Variants in ERBB4 observed in about 807,000 individuals in gnomAD.
ERBB4 encodes receptor tyrosine-protein kinase erbB-4.
ERBB4 carries 42 observed loss-of-function variants against 158.0 expected under a neutral mutation model. The observed-to-expected ratio is 0.27, with a 90% CI of 0.21 to 0.34. The LOEUF (loss-of-function observed/expected upper bound fraction) is 0.34, where lower values mean the gene tolerates loss of function less well. Among genes scored for constraint, ERBB4 ranks in the 10% least tolerant of loss-of-function variants. The pLI, the probability that ERBB4 is intolerant of heterozygous loss-of-function variation, is 1.00. For synonymous variants in ERBB4, 583 were observed against 558.7 expected, an observed-to-expected ratio of 1.04 and a Z score of -0.61; for missense variants, 1,333 against 1,624.1, an observed-to-expected ratio of 0.82 and a Z score of 3.08.
At chr2:212,115,491 T>C (rs563085020) in intron 2 of ERBB4, among the ~76,000 whole-genome samples, 2 of 152,344 alleles carry the variant, frequency 1.3e-5, no homozygotes, top group Admixed American at 6.5e-5. Flanking sequence ...TCATTGCCAA[T>C]ATACTTCTTT....
intron 1 of ERBB4, among the ~76,000 whole-genome samples, chr2:212,349,108 G>A (rs962608646): frequency 9.2e-5 from 14 of 152,198 alleles, no homozygotes; most frequent in Middle Eastern, 3.4e-3. Flanking sequence ...GTATCATGAG[G>A]TGATATGTCA....
chr2:211,624,183 C>T lies in ERBB4; in HGVS notation c.2080-139G>A. The T allele has an allele frequency of 5.4e-6, 5 of 928,676 alleles. No homozygotes were observed. In the South Asian group the frequency reaches 7.0e-5, roughly 13 times the overall value. The allele number at this position is 928,676 out of a possible 1,614,324, so 57.5% of individuals were successfully genotyped here. ...ACTTGGTTTGCCTTGACAACCAATACCTTCGTAATATGCACCACTCACCAT... is the reference window on the plus strand; with the variant it reads ...ACTTGGTTTGCCTTGACAACCAATATCTTCGTAATATGCACCACTCACCAT... On this transcript the variant is annotated intron_variant, in intron 17 of 27. Transcript: ENST00000342788.
intron 2 of ERBB4, among the ~76,000 whole-genome samples, chr2:212,060,954 TATG>T (rs1361080341): frequency 1.5e-5 from 2 of 136,554 alleles, no homozygotes; most frequent in Non-Finnish European, 3.1e-5. Flanking sequence ...AAACTTAAAG[TATG>T]ATAATAAATA....
chr2:211,384,100 G>A lies in ERBB4; in HGVS notation c.3482-40C>T, dbSNP rs779432279. ...AAATATCAGCTAACCTCTAGTTTCT[G>A]GAAAATATTAATCAGACCAAGGTTA... is the stretch of plus-strand genomic sequence containing the variant. On this transcript the variant is annotated intron_variant, in intron 27 of 27. Coordinates refer to ENST00000342788, the MANE Select transcript of ERBB4 (RefSeq NM_005235.3). 2.7e-6 allele frequency: 4 copies of A among 1,462,446 alleles called. No homozygotes were observed. The South Asian group carries it at 4.6e-5, about 17-fold the overall frequency. 90.6% of individuals were successfully genotyped at this position (1,462,446 alleles called of 1,614,324 possible).
At chr2:211,623,836 T>G in intron 18 of ERBB4, 86 bp downstream of exon 18, 1 of 1,303,666 alleles carries the variant, frequency 7.7e-7, no homozygotes, top group South Asian at 1.3e-5. Flanking sequence ...AAAATTAGGT[T>G]GTCTAAAGTA....
intron 1 of ERBB4, among the ~76,000 whole-genome samples, chr2:212,423,052 G>GGATAAACGAT (rs1390724800): frequency 6.6e-6 from 1 of 151,958 alleles, no homozygotes; most frequent in Non-Finnish European, 1.5e-5. Flanking sequence ...ATAATAACTT[G>GGATAAACGAT]AGTAAGAGGA....
chr2:211,762,681 G>A (rs144678093), intron 4 of ERBB4, among the ~76,000 whole-genome samples: 1 of 152,246 alleles, frequency 6.6e-6, no homozygotes, highest in East Asian at 1.9e-4. Context: ...TTTGTGAGTG[G>A]TGTCACATTT....
At chr2:212,325,092 A>G (rs748648996) in intron 1 of ERBB4, among the ~76,000 whole-genome samples, 18 of 150,876 alleles carry the variant, frequency 1.2e-4, no homozygotes, top group South Asian at 4.2e-4. Context: ...CAAAATTACT[A>G]AAAGTAATGA....
chr2:212,288,438 G>A (rs1324826890), intron 1 of ERBB4, among the ~76,000 whole-genome samples: 3 of 152,044 alleles, frequency 2.0e-5, no homozygotes, highest in South Asian at 4.1e-4. Context: ...AGTAAAAAGG[G>A]CTCCCTGGCA....
intron 25 of ERBB4, among the ~76,000 whole-genome samples, chr2:211,416,235 T>TCATTGC (rs2063387819): frequency 6.6e-6 from 1 of 152,132 alleles, no homozygotes; most frequent in East Asian, 1.9e-4. Flanking sequence ...CTATTTTTAT[T>TCATTGC]CATTGCTATT....
intron 2 of ERBB4, among the ~76,000 whole-genome samples, chr2:211,970,497 T>C (rs976745877): frequency 1.3e-5 from 2 of 152,296 alleles, no homozygotes; most frequent in South Asian, 2.1e-4. Flanking sequence ...CCCACTATTA[T>C]TGTGTGGGAA....
intron 1 of ERBB4, among the ~76,000 whole-genome samples, chr2:212,269,135 A>G (rs762973747): frequency 6.6e-6 from 1 of 151,870 alleles, no homozygotes; most frequent in Non-Finnish European, 1.5e-5. Context: ...CCAGAAAACA[A>G]TGGAGACCTG....
At chr2:211,573,702 A>G (rs1018412191) in intron 19 of ERBB4, among the ~76,000 whole-genome samples, 16 of 41,606 alleles carry the variant, frequency 3.8e-4, no homozygotes, top group African/African-American at 2.2e-3. Context: ...AATAATAGAA[A>G]ATATTAAAAA....
chr2:211,650,182 T>C (rs1490793542), intron 16 of ERBB4, among the ~76,000 whole-genome samples: 1 of 152,056 alleles, frequency 6.6e-6, no homozygotes, highest in Non-Finnish European at 1.5e-5. Context: ...AATTACATGG[T>C]GAAATAAATT....
rs758998531 is a variant in ERBB4, at chr2:211,939,604, T to C, written c.421+7826A>G. Among the ~76,000 whole-genome samples, 37 of 152,072 alleles carry C rather than the reference T, an allele frequency of 2.4e-4. 1 individual carries two copies. The highest frequency in any genetic ancestry group is 1.5e-4 in the Non-Finnish European group (10 of 68,038). ...GATGTATTTACATATTCTAAAAAAT[T>C]ACTATAGACATCTGTCAAAAATAGC... is the stretch of plus-strand genomic sequence containing the variant. On this transcript the variant is annotated intron_variant, in intron 3 of 27. Coordinates refer to ENST00000342788, the MANE Select transcript of ERBB4 (RefSeq NM_005235.3).
intron 1 of ERBB4, among the ~76,000 whole-genome samples, chr2:212,271,722 C>A (rs887242057): frequency 2.0e-5 from 3 of 151,642 alleles, no homozygotes; most frequent in Admixed American, 6.6e-5. Flanking sequence ...CTCTTTATCT[C>A]ACAAATATGA....
intron 3 of ERBB4, among the ~76,000 whole-genome samples, chr2:211,857,497 A>C (rs2077901423): frequency 6.9e-6 from 1 of 145,490 alleles, no homozygotes; most frequent in Non-Finnish European, 1.5e-5. Context: ...CTTGAAAATT[A>C]CTTTTTTTTT....
chr2:211,967,362 A>C (rs1042247412), intron 2 of ERBB4, among the ~76,000 whole-genome samples: 30 of 152,154 alleles, frequency 2.0e-4, no homozygotes, highest in African/African-American at 7.0e-4. Context: ...AATGTTATGT[A>C]AATTTCATGG....
chr2:212,185,164 G>C (rs948571563), intron 1 of ERBB4, among the ~76,000 whole-genome samples: 1 of 151,872 alleles, frequency 6.6e-6, no homozygotes, highest in African/African-American at 2.4e-5. Flanking sequence ...GGGATTACAG[G>C]TGCACACCAC....
Sources: gnomAD v4.1 joint callset for allele counts (sites outside exome capture counted in the v4.1 genomes callset) on GRCh38, gnomAD v4.1.1 for gene constraint, MANE v1.5 for transcripts, NCBI Gene and HGNC (gene_info 2026-07-23, HGNC 2026-07-21) for gene names.